The following FAM13B variants were observed in gnomAD, a reference collection of about 807,000 sequenced individuals.
FAM13B encodes the protein protein FAM13B.
In FAM13B, 60 loss-of-function variants were observed where a neutral mutation model predicts 117.3. The observed-to-expected ratio is 0.51, with a 90% confidence interval of 0.42 to 0.63. The LOEUF (loss-of-function observed/expected upper bound fraction) is 0.63, where lower values mean the gene tolerates loss of function less well. FAM13B is among the 30% of genes least tolerant of loss of function. FAM13B has a pLI of 0.00. For synonymous variants in FAM13B, 332 were observed against 356.1 expected, an observed-to-expected ratio of 0.93 and a Z score of 0.76; for missense variants, 972 against 1,091.9, an observed-to-expected ratio of 0.89 and a Z score of 1.55.
chr5:138,028,647 C>T (rs1046268565), intron 1 of FAM13B, among the ~76,000 whole-genome samples: 6 of 152,154 alleles, frequency 3.9e-5, no homozygotes. Flanking sequence ...CTTTGGGATG[C>T]TGAGGTGGGC....
chr5:137,940,432 G>T, intron 23 of FAM13B, 84 bp from the exon 24 acceptor site: 22 of 751,952 alleles, frequency 2.9e-5, no homozygotes, highest in Admixed American at 5.4e-5. Flanking sequence ...GAGACATACT[G>T]TTACTAAACA....
chr5:137,957,434 G>A (rs1184034755), intron 13 of FAM13B, among the ~76,000 whole-genome samples: 2 of 151,748 alleles, frequency 1.3e-5, no homozygotes, highest in African/African-American at 4.8e-5. Flanking sequence ...CAGCTACTCA[G>A]GAGGCTGAGG....
At chr5:138,043,561 T>C (rs1791558810) in intron 1 of FAM13B, among the ~76,000 whole-genome samples, 1 of 150,230 alleles carries the variant, frequency 6.7e-6, no homozygotes, top group South Asian at 2.2e-4. Context: ...TGCCTCAGCC[T>C]CCCAAGTAGC....
intron 9 of FAM13B, 90 bp downstream of exon 9, chr5:137,987,371 A>G: frequency 8.4e-7 from 1 of 1,194,004 alleles, no homozygotes; most frequent in Admixed American, 2.9e-5. Flanking sequence ...ATCTCCAAGA[A>G]AGATGAGATC....
In FAM13B at chr5:137,978,723, T is replaced by C. The variant is rs117521451; in HGVS notation, c.1179+6534A>G. Among the ~76,000 whole-genome samples the C allele has an allele frequency of 2.0e-5, 3 of 152,264 alleles. No individual in the cohort carries two copies. The East Asian group carries it at 5.8e-4, about 29-fold the overall frequency. On this transcript the variant is annotated intron_variant, in intron 10 of 23. Coordinates refer to ENST00000689681, the MANE Select transcript of FAM13B (RefSeq NM_001385994.1). ...CTTTTTTTCCTCCAAAGAGCTAGAA[T>C]ACAGAGGTTCCCCAAGGGTTTCTTC...
In FAM13B at chr5:137,938,348, G is replaced by A. The variant is rs1330774690; in HGVS notation, c.*1877C>T. 6.6e-6 allele frequency: 1 copy of A among 152,552 alleles called. No homozygotes were observed. Among genetic ancestry groups the A allele is most frequent in the African/African-American group, 2.4e-5 (1 of 41,424 alleles). 9.4% of individuals were successfully genotyped at this position (152,552 alleles called of 1,614,324 possible). A position where few individuals can be genotyped will look rare whatever the true frequency, so the allele number is the denominator to read the frequency against. On this transcript the variant is annotated 3_prime_UTR_variant, in exon 24 of 24. Coordinates refer to ENST00000689681, the MANE Select transcript of FAM13B (RefSeq NM_001385994.1). ...ATATTATTTAAAACATTTAAATAGT[G>A]CATATGGACATTTTTGCATGTGGTA...
intron 1 of FAM13B, among the ~76,000 whole-genome samples, chr5:138,025,313 A>ATTTTTT (rs869194123): frequency 3.6e-5 from 4 of 111,198 alleles, no homozygotes; most frequent in African/African-American, 1.0e-4. Flanking sequence ...ATATATATGT[A>ATTTTTT]TTTTTTTTTT....
At chr5:137,992,523 G>A (rs1341370370) in intron 7 of FAM13B, among the ~76,000 whole-genome samples, 1 of 152,050 alleles carries the variant, frequency 6.6e-6, no homozygotes, top group Non-Finnish European at 1.5e-5. Flanking sequence ...GAACCCGGGA[G>A]GAAGAGGTTG....
intron 6 of FAM13B, among the ~76,000 whole-genome samples, chr5:138,008,340 A>G (rs1365920634): frequency 6.6e-6 from 1 of 152,074 alleles, no homozygotes; most frequent in Non-Finnish European, 1.5e-5. Flanking sequence ...TACTTGAGAG[A>G]CTGAGGTAGG....
chr5:137,942,248 C>T, intron 22 of FAM13B: 1 of 578,886 alleles, frequency 1.7e-6, no homozygotes. Context: ...GAAGTCAGGG[C>T]TCAGAACCAG....
intron 4 of FAM13B, among the ~76,000 whole-genome samples, chr5:138,017,111 G>A (rs1223561981): frequency 6.6e-6 from 1 of 152,120 alleles, no homozygotes; most frequent in African/African-American, 2.4e-5. Flanking sequence ...TTTAAAACCT[G>A]TTTTTTGATC....
In FAM13B at chr5:137,943,136, G is replaced by A; in HGVS notation, c.2421C>T (p.Ile807=). The A allele has an allele frequency of 6.2e-7, 1 of 1,613,888 alleles. No individual in the cohort carries two copies. The highest frequency in any genetic ancestry group is 1.6e-4 in the Middle Eastern group (1 of 6,062). ...EGETAHFFEE[I]KEEEEDGVNL... is the part of the protein sequence containing the mutation. ...AATTATTTCTTTAAAGGATTACCTT[G>A]ATTTCTTCAAAAAAATGTGCAGTTT... is the stretch of plus-strand genomic sequence containing the variant. Residue 807 remains isoleucine, a synonymous_variant, in exon 21 of 24, where the codon ATC becomes ATT. Transcript: ENST00000689681.
chr5:138,029,039 AT>A lies in FAM13B; in HGVS notation c.-203+3742del, dbSNP rs1484436580. ...TCGTCTCAAAAAAAAGAAAAAAAAA[AT>A]GACTTCATTTTTGTTTCCCCAGTTG... On this transcript the variant is annotated intron_variant, in intron 1 of 23. Coordinates refer to ENST00000689681, the MANE Select transcript of FAM13B (RefSeq NM_001385994.1). Among the ~76,000 whole-genome samples, 4 of 151,484 alleles carry A rather than the reference AT, an allele frequency of 2.6e-5. No individual in the cohort carries two copies. In the South Asian group the frequency reaches 6.3e-4, roughly 24 times the overall value.
intron 11 of FAM13B, among the ~76,000 whole-genome samples, chr5:137,962,140 T>C (rs1768300725): frequency 6.6e-6 from 1 of 152,196 alleles, no homozygotes; most frequent in African/African-American, 2.4e-5. Flanking sequence ...TGTTCCACAA[T>C]CAACTGAAAG....
chr5:138,024,663 G>T (rs1383878008), intron 1 of FAM13B, among the ~76,000 whole-genome samples: 1 of 151,508 alleles, frequency 6.6e-6, no homozygotes, highest in Non-Finnish European at 1.5e-5. Context: ...TGTCCTAGCA[G>T]ATAGAATCAA....
intron 10 of FAM13B, among the ~76,000 whole-genome samples, chr5:137,968,826 C>G (rs892802849): frequency 3.3e-5 from 5 of 152,228 alleles, no homozygotes; most frequent in Non-Finnish European, 7.3e-5. Flanking sequence ...AGTTCCCTTT[C>G]CTAGTCAAAG....
chr5:138,009,857 T>G (rs897929105), intron 6 of FAM13B, among the ~76,000 whole-genome samples: 2 of 151,144 alleles, frequency 1.3e-5, no homozygotes, highest in Non-Finnish European at 2.9e-5. Context: ...TGTGGTTGAT[T>G]AATAAAAGCC....
intron 1 of FAM13B, among the ~76,000 whole-genome samples, chr5:138,045,360 C>G (rs1284855179): frequency 6.6e-6 from 1 of 151,530 alleles, no homozygotes; most frequent in Non-Finnish European, 1.5e-5. Flanking sequence ...ATGGCAAAAC[C>G]CTATCTCTAC....
chr5:137,969,403 T>C (rs938660367), intron 10 of FAM13B, among the ~76,000 whole-genome samples: 30 of 152,130 alleles, frequency 2.0e-4, no homozygotes, highest in Middle Eastern at 3.2e-3. Flanking sequence ...GAGGGTCCTG[T>C]CTGTTAGAAG....
Sources: allele counts gnomAD v4.1 joint callset (sites outside exome capture counted in the v4.1 genomes callset), GRCh38; gene constraint gnomAD v4.1.1; transcripts MANE v1.5; gene names NCBI Gene and HGNC (gene_info 2026-07-23, HGNC 2026-07-21).